C12orf56: variants seen among roughly 807,000 people sequenced by gnomAD.
C12orf56 encodes the protein uncharacterized protein C12orf56.
Under a neutral mutation model 69.9 loss-of-function variants are expected in C12orf56, and 71 were observed. The observed-to-expected ratio is 1.02, with a 90% CI of 0.84 to 1.24. The LOEUF is 1.24. Among genes scored for constraint, C12orf56 ranks in the 50% most tolerant of loss-of-function variants. The probability of loss-of-function intolerance (pLI) is 0.00; values close to 1 mark genes in which losing one functional copy is unlikely to be tolerated. For missense variants in C12orf56, 732 were observed against 738.5 expected (o/e 0.99, Z 0.10); for synonymous variants, 276 against 274.1 (o/e 1.01, Z -0.07).
chr12:64,293,061 G>GT (rs2038314362), intron 6 of C12orf56, among the ~76,000 whole-genome samples: 1 of 152,136 alleles, frequency 6.6e-6, no homozygotes, highest in South Asian at 2.1e-4. Flanking sequence ...ATGGTTCGCC[G>GT]CTTTTTAAGC....
intron 2 of C12orf56, among the ~76,000 whole-genome samples, chr12:64,339,862 A>G (rs2039051451): frequency 6.6e-6 from 1 of 152,094 alleles, no homozygotes; most frequent in African/African-American, 2.4e-5. Flanking sequence ...TGTCTGTATT[A>G]GTCAGTGTTC....
chr12:64,315,540 G>C (rs2038681209), intron 4 of C12orf56, among the ~76,000 whole-genome samples: 1 of 152,104 alleles, frequency 6.6e-6, no homozygotes, highest in South Asian at 2.1e-4. Flanking sequence ...ACTGAAGGAG[G>C]CTCAACTCTT....
intron 1 of C12orf56, among the ~76,000 whole-genome samples, chr12:64,379,811 C>T (rs2039687298): frequency 6.6e-6 from 1 of 150,680 alleles, no homozygotes; most frequent in African/African-American, 2.4e-5. Context: ...AAGCCGGGCG[C>T]AGTGGCTCAC....
intron 4 of C12orf56, among the ~76,000 whole-genome samples, chr12:64,317,525 C>T (rs979939304): frequency 3.9e-5 from 6 of 152,056 alleles, no homozygotes; most frequent in South Asian, 4.1e-4. Context: ...TTTGGGAGGC[C>T]GAGGTGGGCG....
At chr12:64,382,262 CAAAA>C (rs55714337) in intron 1 of C12orf56, among the ~76,000 whole-genome samples, 14 of 97,666 alleles carry the variant, frequency 1.4e-4, no homozygotes, top group East Asian at 3.0e-4. Context: ...ACTCTTGTCT[CAAAA>C]AAAAAAAAAA....
intron 6 of C12orf56, among the ~76,000 whole-genome samples, chr12:64,295,254 A>C (rs1421525723): frequency 2.0e-5 from 3 of 152,220 alleles, no homozygotes; most frequent in African/African-American, 7.2e-5. Context: ...CTGAATGCAT[A>C]CTTATTGATT....
chr12:64,374,199 A>T (rs1332365394), intron 1 of C12orf56, among the ~76,000 whole-genome samples: 1 of 152,224 alleles, frequency 6.6e-6, no homozygotes, highest in Non-Finnish European at 1.5e-5. Context: ...TCATCATAAT[A>T]TTGAAAATTA....
intron 2 of C12orf56, among the ~76,000 whole-genome samples, chr12:64,342,404 C>T (rs1403891152): frequency 2.0e-5 from 3 of 152,192 alleles, no homozygotes; most frequent in Non-Finnish European, 2.9e-5. Flanking sequence ...CGGGTGGTGC[C>T]TGCATATCAT....
chr12:64,278,560 C>T (rs935534087), intron 8 of C12orf56, among the ~76,000 whole-genome samples: 11 of 152,070 alleles, frequency 7.2e-5, no homozygotes, highest in African/African-American at 2.2e-4. Flanking sequence ...ATAAATCAAG[C>T]GAATTGACGT....
At chr12:64,328,648 C>T (rs1273267729) in intron 3 of C12orf56, among the ~76,000 whole-genome samples, 1 of 130,020 alleles carries the variant, frequency 7.7e-6, no homozygotes. Flanking sequence ...CCACTGCACT[C>T]CAGCCTGGGC....
At chr12:64,315,262 A>G (rs1484141385) in intron 4 of C12orf56, among the ~76,000 whole-genome samples, 2 of 150,916 alleles carry the variant, frequency 1.3e-5, no homozygotes, top group East Asian at 3.9e-4. Context: ...GATGGTGGCA[A>G]GGGAGATATG....
chr12:64,314,405 T>C (rs1481148622), intron 4 of C12orf56, among the ~76,000 whole-genome samples: 1 of 152,216 alleles, frequency 6.6e-6, no homozygotes, highest in African/African-American at 2.4e-5. Context: ...TATCAATTCT[T>C]TTAATGATTA....
At chr12:64,272,303 G>C (rs1195466182) in intron 11 of C12orf56, among the ~76,000 whole-genome samples, 2 of 152,074 alleles carry the variant, frequency 1.3e-5, no homozygotes, top group African/African-American at 4.8e-5. Context: ...TCAGGAGTTT[G>C]AGACCAGCGT....
intron 1 of C12orf56, among the ~76,000 whole-genome samples, chr12:64,367,398 C>G (rs912830257): frequency 6.8e-6 from 1 of 146,024 alleles, no homozygotes; most frequent in Non-Finnish European, 1.5e-5. Context: ...TATAAAGAAA[C>G]TAAAATACTA....
chr12:64,312,386 C>T (rs1391209791), intron 5 of C12orf56, among the ~76,000 whole-genome samples: 1 of 152,130 alleles, frequency 6.6e-6, no homozygotes. Flanking sequence ...GCAGGAGGAT[C>T]ACCTGAGGTC....
intron 4 of C12orf56, among the ~76,000 whole-genome samples, chr12:64,314,937 CTTTTTTTTTT>C (rs534106623): frequency 4.5e-5 from 2 of 44,596 alleles, no homozygotes; most frequent in Admixed American, 4.3e-4. Flanking sequence ...ATCCGGCCAG[CTTTTTTTTTT>C]TTTTTTTTTT....
chr12:64,273,637 G>T (rs1033198838), intron 11 of C12orf56, among the ~76,000 whole-genome samples: 8 of 152,212 alleles, frequency 5.3e-5, no homozygotes, highest in African/African-American at 1.9e-4. Context: ...GCTTGAAACA[G>T]CAAAGGTTGA....
intron 2 of C12orf56, among the ~76,000 whole-genome samples, chr12:64,348,893 A>G (rs992019720): frequency 6.6e-6 from 1 of 152,254 alleles, no homozygotes; most frequent in Admixed American, 6.5e-5. Context: ...ACATTGGAAT[A>G]AAAGAAAAAC....
At chr12:64,345,773 C>A (rs1321516001) in intron 2 of C12orf56, among the ~76,000 whole-genome samples, 5 of 152,122 alleles carry the variant, frequency 3.3e-5, no homozygotes, top group African/African-American at 1.2e-4. Flanking sequence ...TAGGAGCAAC[C>A]AACAAGCTTC....
Sources: allele counts gnomAD v4.1 joint callset (sites outside exome capture counted in the v4.1 genomes callset), GRCh38; gene constraint gnomAD v4.1.1; transcripts MANE v1.5; gene names NCBI Gene and HGNC (gene_info 2026-07-23, HGNC 2026-07-21).